C7: variants seen among roughly 807,000 people sequenced by gnomAD.
C7 encodes complement C7, also known as complement component C7.
A neutral mutation model predicts 104.8 loss-of-function variants in C7; 83 were observed. The observed-to-expected ratio is 0.79, with a 90% confidence interval of 0.66 to 0.95. The LOEUF is 0.95. Ranked by LOEUF, C7 falls within the 40% of genes least tolerant of loss-of-function variation. C7 has a pLI of 0.00. For missense variants in C7, 1,070 were observed against 1,011.2 expected, an observed-to-expected ratio of 1.06 and a Z score of -0.79; for synonymous variants, 415 against 360.6, an observed-to-expected ratio of 1.15 and a Z score of -1.71.
rs1739814080 is a variant in C7, at chr5:40,936,343, T to C, written c.286T>C (p.Cys96Arg). ...TGGATTTCTCTGGTGTTCAGGTCAG[T>C]GCATCAGCAAATCATTGGTTTGCAA... ...GERFRCFSGQ[C>R]ISKSLVCNGD... The change falls in exon 5 of 18, where the codon TGC becomes CGC. Residue 96 changes from cysteine to arginine, a missense_variant. Physicochemically the swap from Cys to Arg is radical, Grantham distance 180. Transcript: ENST00000313164. 6.2e-7 allele frequency: 1 copy of C among 1,613,186 alleles called. No homozygotes were observed. The highest frequency in any genetic ancestry group is 1.3e-5 in the African/African-American group (1 of 74,886).
At chr5:40,981,254 C>T in intron 17 of C7, 138 bp from the exon 18 acceptor site, 1 of 829,210 alleles carries the variant, frequency 1.2e-6, no homozygotes, top group East Asian at 2.7e-5. Flanking sequence ...TACTGCTTTT[C>T]CAGGGGATAA....
At chr5:40,980,011 C>T in intron 17 of C7, 102 bp downstream of exon 17, 1 of 1,012,592 alleles carries the variant, frequency 9.9e-7, no homozygotes, top group South Asian at 2.2e-5. Context: ...GAAGAAGATA[C>T]TTGAGGATGT....
chr5:40,978,822 T>C (rs554835564), intron 16 of C7, among the ~76,000 whole-genome samples: 92 of 151,672 alleles, frequency 6.1e-4, no homozygotes, highest in African/African-American at 2.2e-3. Context: ...GCTATTTTTT[T>C]CCACTATTTT....
In C7 at chr5:40,981,433, G is replaced by A. The variant is rs781435324; in HGVS notation, c.2392G>A (p.Glu798Lys). The change falls in exon 18 of 18, where the codon GAG (glutamate) becomes AAG (lysine). Residue 798 changes from glutamate to lysine, a missense_variant. Physicochemically the swap from Glu to Lys is moderately conservative, Grantham distance 56. Coordinates refer to ENST00000313164, the MANE Select transcript of C7 (RefSeq NM_000587.4). Reference sequence around the variant, plus strand: ...TGTCTGCCGAGAAGCATCGGAGTGCGAGGAAGAAGGGTTTAGCATTTGTGT... The same window carrying A: ...TGTCTGCCGAGAAGCATCGGAGTGCAAGGAAGAAGGGTTTAGCATTTGTGT... ...KCVCREASEC[E>K]EEGFSICVEV... 1.3e-5 allele frequency: 21 copies of A among 1,613,306 alleles called. No individual in the cohort carries two copies. Among genetic ancestry groups the A allele is most frequent in the African/African-American group, 2.7e-5 (2 of 74,932 alleles).
Position 40,984,385 on chromosome 5 carries a change from C to A in C7, c.*2812C>A, listed in dbSNP as rs1178728010. Among the ~76,000 whole-genome samples, 1 of 152,162 alleles carries A rather than the reference C, an allele frequency of 6.6e-6. No individual in the cohort carries two copies. Among genetic ancestry groups the A allele is most frequent in the Non-Finnish European group, 1.5e-5 (1 of 68,034 alleles). ...GCAACTAGCCAGGTAACTGGCTAAT[C>A]TGATTGAGGGTTGCCCTCTTTGCTG... On this transcript the variant is annotated 3_prime_UTR_variant, in exon 18 of 18. Transcript: ENST00000313164.
At chr5:40,948,043 G>T (rs1740090159) in intron 8 of C7, among the ~76,000 whole-genome samples, 198 bp downstream of exon 8, 1 of 152,114 alleles carries the variant, frequency 6.6e-6, no homozygotes, top group Non-Finnish European at 1.5e-5. Context: ...CTACTGTTTT[G>T]CATAGTACCT....
chr5:40,984,160 T>C lies in C7; in HGVS notation c.*2587T>C, dbSNP rs1741012560. Reference sequence around the variant, plus strand: ...TATGTATTTCCTAATTGATCAAAAGTAGTGCTGCTTCTCTAAGCCCTGAGA... The same window carrying C: ...TATGTATTTCCTAATTGATCAAAAGCAGTGCTGCTTCTCTAAGCCCTGAGA... On this transcript the variant is annotated 3_prime_UTR_variant, in exon 18 of 18. Transcript: ENST00000313164. Among the ~76,000 whole-genome samples the C allele has an allele frequency of 6.6e-6, 1 of 152,212 alleles. No homozygotes were observed. The highest frequency in any genetic ancestry group is 2.1e-4 in the South Asian group (1 of 4,834).
chr5:40,961,778 C>T (rs1265512908), intron 12 of C7, among the ~76,000 whole-genome samples: 1 of 152,154 alleles, frequency 6.6e-6, no homozygotes, highest in African/African-American at 2.4e-5. Context: ...AACAGGTGAC[C>T]TCTAGAAAGC....
intron 6 of C7, among the ~76,000 whole-genome samples, chr5:40,941,288 T>C (rs1376633399): frequency 1.3e-5 from 2 of 152,046 alleles, no homozygotes; most frequent in Non-Finnish European, 2.9e-5. Flanking sequence ...GGTCTCGAAC[T>C]CCTGTCCTCA....
chr5:40,971,978 TA>T (rs1433042306), intron 14 of C7: 8 of 421,958 alleles, frequency 1.9e-5, no homozygotes, highest in Non-Finnish European at 3.2e-5. Context: ...AATAAATAAA[TA>T]AATAAAAGTG....
intron 16 of C7, among the ~76,000 whole-genome samples, chr5:40,977,713 C>A (rs1335836194): frequency 6.6e-6 from 1 of 152,112 alleles, no homozygotes; most frequent in Non-Finnish European, 1.5e-5. Context: ...AGCTAGAGGC[C>A]GAGGAAGTCC....
Position 40,914,678 on chromosome 5 carries a change from GAGATGCTAGACATTCTA to G in C7, c.6+5063_6+5079del, listed in dbSNP as rs567896941. Among the ~76,000 whole-genome samples the G allele has an allele frequency of 6.6e-5, 10 of 152,272 alleles. No homozygotes were observed. In the South Asian group the frequency reaches 2.1e-3, roughly 32 times the overall value. ...CAGGAGGACCTTCACATTTTAAAGT[GAGATGCTAGACATTCTA>G]TGCAATATTACAAAGAGAGTATTCC... On this transcript the variant is annotated intron_variant, in intron 1 of 17. Transcript: ENST00000313164.
chr5:40,960,811 T>C (rs952815834), intron 12 of C7, among the ~76,000 whole-genome samples: 3 of 152,100 alleles, frequency 2.0e-5, no homozygotes, highest in African/African-American at 7.2e-5. Context: ...GTCTCTAGAG[T>C]GGAGATAATA....
rs1301509039 is a variant in C7 at position 40,909,600 on chromosome 5, T to C, written c.-11T>C. 1.9e-6 allele frequency: 3 copies of C among 1,566,580 alleles called. No homozygotes were observed. Among genetic ancestry groups the C allele is most frequent in the Non-Finnish European group, 2.6e-6 (3 of 1,146,058 alleles). ...TTCCTCCTCTCTTCTGCCCTGAATG[T>C]TTTCCCAAACATGAAGGTAAGACAA... is the stretch of plus-strand genomic sequence containing the variant. On this transcript the variant is annotated 5_prime_UTR_variant, in exon 1 of 18. Transcript: ENST00000313164.
intron 2 of C7, among the ~76,000 whole-genome samples, chr5:40,930,073 A>G (rs752994718): frequency 2.6e-5 from 4 of 152,092 alleles, no homozygotes; most frequent in Non-Finnish European, 5.9e-5. Context: ...CCTTATCTAT[A>G]TTCCCATAAC....
At chr5:40,928,021 A>G (rs982359945) in intron 1 of C7, among the ~76,000 whole-genome samples, 3 of 152,226 alleles carry the variant, frequency 2.0e-5, no homozygotes, top group Admixed American at 6.5e-5. Flanking sequence ...GTGTCCCTCA[A>G]CAGATGAATG....
At chr5:40,946,163 A>T (rs1188645556) in intron 7 of C7, among the ~76,000 whole-genome samples, 3 of 152,126 alleles carry the variant, frequency 2.0e-5, no homozygotes, top group South Asian at 4.1e-4. Context: ...CTTTAAAAAC[A>T]CTTTATTACT....
At chr5:40,954,830 G>A (rs1332748473) in intron 9 of C7, 1 of 168,758 alleles carries the variant, frequency 5.9e-6, no homozygotes, top group African/African-American at 3.3e-5. Context: ...TTTGCATTGA[G>A]TATGCCACTG....
At chr5:40,929,831 T>G (rs577668664) in intron 2 of C7, among the ~76,000 whole-genome samples, 1 of 152,290 alleles carries the variant, frequency 6.6e-6, no homozygotes, top group East Asian at 1.9e-4. Context: ...ATGGCCTAAA[T>G]GAACAGGGGA....
Sources: allele counts gnomAD v4.1 joint callset (sites outside exome capture counted in the v4.1 genomes callset), GRCh38; gene constraint gnomAD v4.1.1; transcripts MANE v1.5; gene names NCBI Gene and HGNC (gene_info 2026-07-23, HGNC 2026-07-21).